The following LRCH2 variants were observed in gnomAD, a reference collection of about 807,000 sequenced individuals.
LRCH2 encodes the protein leucine rich repeats and calponin homology domain containing 2.
A neutral mutation model predicts 68.9 loss-of-function variants in LRCH2; 38 were observed. The observed-to-expected ratio is 0.55, with a 90% CI of 0.43 to 0.72. LRCH2 has a LOEUF of 0.72. LRCH2 is among the 30% of genes least tolerant of loss of function. The pLI is 0.00. For missense variants in LRCH2, 528 were observed against 572.9 expected (o/e 0.92, Z 0.80); for synonymous variants, 191 against 208.1 (o/e 0.92, Z 0.71).
intron 5 of LRCH2, among the ~76,000 whole-genome samples, chrX:115,173,599 T>C (rs1352045954): frequency 8.9e-6 from 1 of 112,081 alleles, no homozygotes; most frequent in African/African-American, 3.2e-5. Flanking sequence ...AAGGTTTGTG[T>C]CTATTTCCTA....
At chrX:115,145,708 T>A (rs942828526) in intron 14 of LRCH2, among the ~76,000 whole-genome samples, 1 of 111,889 alleles carries the variant, frequency 8.9e-6, no homozygotes, top group Admixed American at 9.5e-5. Context: ...TCATTGATCA[T>A]CAGAGAAATG....
At chrX:115,165,284 T>A (rs2072549071) in intron 10 of LRCH2, 121 bp downstream of exon 10, 1 of 468,465 alleles carries the variant, frequency 2.1e-6, no homozygotes, top group Non-Finnish European at 3.6e-6. Flanking sequence ...AAATTAACTA[T>A]CTAAACATAA....
intron 1 of LRCH2, among the ~76,000 whole-genome samples, chrX:115,193,595 G>A (rs1335327186): frequency 9.0e-6 from 1 of 111,446 alleles, no homozygotes; most frequent in Non-Finnish European, 1.9e-5. Context: ...TCCTATTAAG[G>A]GTTTATTTGT....
chrX:115,192,882 GTCT>G, intron 1 of LRCH2: 2 of 365,807 alleles, frequency 5.5e-6, no homozygotes, highest in Non-Finnish European at 9.8e-6. Context: ...CTGAGTCTTA[GTCT>G]TCTTCTATTT....
intron 1 of LRCH2, among the ~76,000 whole-genome samples, chrX:115,214,790 T>C (rs868952470): frequency 5.4e-5 from 6 of 111,637 alleles, no homozygotes; most frequent in South Asian, 7.6e-4. Flanking sequence ...GATACGTGCA[T>C]GCTCAGTAAG....
At chrX:115,172,189 C>T (rs145018843) in intron 5 of LRCH2, among the ~76,000 whole-genome samples, 280 of 111,329 alleles carry the variant, frequency 2.5e-3, no homozygotes, top group African/African-American at 8.3e-3. Flanking sequence ...CCAGCCTCCC[C>T]GCTTCCTATC....
At chrX:115,167,084 C>T (rs2072565501) in intron 6 of LRCH2, among the ~76,000 whole-genome samples, 1 of 102,471 alleles carries the variant, frequency 9.8e-6, no homozygotes, top group Non-Finnish European at 2.0e-5. Flanking sequence ...TCCAAGGATA[C>T]GCAACTTGCA....
At chrX:115,133,489 A>G (rs1363490102) in intron 14 of LRCH2, among the ~76,000 whole-genome samples, 5 of 112,057 alleles carry the variant, frequency 4.5e-5, no homozygotes, top group African/African-American at 1.6e-4. Flanking sequence ...TGCAAATACA[A>G]AGTTTCAAAA....
At chrX:115,118,572 T>C (rs1274363534) in intron 20 of LRCH2, among the ~76,000 whole-genome samples, 7 of 110,118 alleles carry the variant, frequency 6.4e-5, no homozygotes, top group Middle Eastern at 9.2e-3. Flanking sequence ...GATTCACAGC[T>C]GAATTCTACC....
chrX:115,150,578 CTA>C (rs2072424590), intron 12 of LRCH2, among the ~76,000 whole-genome samples: 1 of 110,999 alleles, frequency 9.0e-6, no homozygotes, highest in Admixed American at 9.6e-5. Context: ...ATAAGGCAGA[CTA>C]TGCATGCTGT....
chrX:115,112,255 T>G lies in LRCH2; in HGVS notation c.*961A>C, dbSNP rs2072048937. The G allele has an allele frequency of 8.9e-6, 1 of 112,018 alleles. No individual in the cohort carries two copies. The highest frequency in any genetic ancestry group is 9.6e-5 in the Admixed American group (1 of 10,463). 9.2% of individuals were successfully genotyped at this position (112,018 alleles called of 1,213,427 possible). ...ATATAAACCCAAACTTTGGCAGTTT[T>G]ATCAAAATGTCCTTGATAATTAGTA... On this transcript the variant is annotated 3_prime_UTR_variant, in exon 21 of 21. Coordinates refer to ENST00000317135, the MANE Select transcript of LRCH2 (RefSeq NM_020871.4).
At chrX:115,158,886 C>A (rs2072495287) in intron 11 of LRCH2, among the ~76,000 whole-genome samples, 1 of 111,660 alleles carries the variant, frequency 9.0e-6, no homozygotes, top group Non-Finnish European at 1.9e-5. Context: ...CAAAGAAAAT[C>A]AGTATAAGAA....
At chrX:115,198,645 T>C (rs1158073404) in intron 1 of LRCH2, 4 of 157,704 alleles carry the variant, frequency 2.5e-5, no homozygotes, top group Non-Finnish European at 5.5e-5. Flanking sequence ...AGCCCTCAAG[T>C]TCATCAAGAA....
chrX:115,201,333 T>G (rs1474984549), intron 1 of LRCH2, among the ~76,000 whole-genome samples: 1 of 111,392 alleles, frequency 9.0e-6, no homozygotes, highest in South Asian at 3.8e-4. Context: ...ATCAAGTGGG[T>G]TTTATACCAA....
rs144273602 is a variant in LRCH2, at chrX:115,194,037, T to G, written c.350-5667A>C. Among the ~76,000 whole-genome samples the G allele has an allele frequency of 1.0e-2, 1,109 of 110,987 alleles. 7 individuals are homozygous for G. The highest frequency in any genetic ancestry group is 0.034 in the African/African-American group (1,050 of 30,457). ...AAAAACAACCTCCTCTCAGTAATGCTCAACTTCCTCATTCCAAGGGATGAG... is the reference window on the plus strand; with the variant it reads ...AAAAACAACCTCCTCTCAGTAATGCGCAACTTCCTCATTCCAAGGGATGAG... On this transcript the variant is annotated intron_variant, in intron 1 of 20. Transcript: ENST00000317135.
In LRCH2 at chrX:115,130,653, AT is replaced by A. The variant is rs201856073; in HGVS notation, c.1696-455del. On this transcript the variant is annotated intron_variant, in intron 14 of 20. Coordinates refer to ENST00000317135, the MANE Select transcript of LRCH2 (RefSeq NM_020871.4). ...ATCTCACCATTCTAAGATGTCATTC[AT>A]TATTAAGAAACCTACTGCTTTCATG... 5.9e-3 allele frequency among the ~76,000 whole-genome samples: 654 copies of A among 111,315 alleles called. 5 individuals are homozygous for A. Among genetic ancestry groups the A allele is most frequent in the African/African-American group, 0.02 (627 of 30,660 alleles).
chrX:115,130,870 A>C (rs1316174222), intron 14 of LRCH2, among the ~76,000 whole-genome samples: 1 of 110,940 alleles, frequency 9.0e-6, no homozygotes, highest in Non-Finnish European at 1.9e-5. Context: ...AATGCTTCTT[A>C]GAGTCAAGAA....
intron 15 of LRCH2, 30 bp from the exon 16 acceptor site, chrX:115,126,923 T>C (rs781874713): frequency 4.5e-6 from 4 of 884,041 alleles, no homozygotes; most frequent in Non-Finnish European, 4.6e-6. Flanking sequence ...AGATGGAAGA[T>C]GAAATTACAA....
At chrX:115,155,408 G>C (rs1479985250) in intron 12 of LRCH2, among the ~76,000 whole-genome samples, 1 of 106,434 alleles carries the variant, frequency 9.4e-6, no homozygotes, top group African/African-American at 3.4e-5. Context: ...TAACAAACCT[G>C]CCGATTCTAC....
Sources: gnomAD v4.1 joint callset for allele counts (sites outside exome capture counted in the v4.1 genomes callset) on GRCh38, gnomAD v4.1.1 for gene constraint, MANE v1.5 for transcripts, NCBI Gene and HGNC (gene_info 2026-07-23, HGNC 2026-07-21) for gene names.